RNF207: variants seen among roughly 807,000 people sequenced by gnomAD.
RNF207 encodes the protein OTTHUMG00000001089.
Under a neutral mutation model 79.0 loss-of-function variants are expected in RNF207, and 72 were observed. The observed-to-expected ratio is 0.91, with a 90% confidence interval of 0.75 to 1.11. RNF207 has a LOEUF of 1.11. Ranked by LOEUF, RNF207 falls within the 50% of genes least tolerant of loss-of-function variation. RNF207 has a pLI of 0.00. For synonymous variants in RNF207, 348 were observed against 366.2 expected (o/e 0.95, Z 0.57); for missense variants, 936 against 855.8 (o/e 1.09, Z -1.17).
In RNF207 at chr1:6,212,282, C is replaced by T. The variant is rs200801968; in HGVS notation, c.1348C>T (p.Arg450Ter). ...AAAGGACCAGGTACAGGAGCTGCAC[C>T]GAGACCTCACCAAGCACCACTCGCT... ...SLKDQVQELH[R>*]DLTKHHSLIK... is the part of the protein sequence containing the mutation. Residue 450 changes from arginine to a stop codon, truncating the protein, a stop_gained, in exon 14 of 18, where the codon CGA becomes TGA. Coordinates refer to ENST00000377939, the MANE Select transcript of RNF207 (RefSeq NM_207396.3). LOFTEE classifies it high-confidence loss of function. 154 of 1,613,154 alleles carry T rather than the reference C, an allele frequency of 9.5e-5. No homozygotes were observed. The highest frequency in any genetic ancestry group is 1.1e-4 in the Non-Finnish European group (124 of 1,179,762).
At chr1:6,216,492 G>A (rs1238320538) in intron 16 of RNF207, among the ~76,000 whole-genome samples, 2 of 151,874 alleles carry the variant, frequency 1.3e-5, no homozygotes, top group Non-Finnish European at 1.5e-5. Context: ...CAGTCGCAGC[G>A]AGCCCTCCCG....
rs769111983 is a variant in RNF207 at position 6,209,083 on chromosome 1, G to A, written c.470-32G>A. 3 of 1,546,870 alleles carry A rather than the reference G, an allele frequency of 1.9e-6. No homozygotes were observed. The Admixed American group carries it at 5.9e-5, about 30-fold the overall frequency. Reference sequence around the variant, plus strand: ...GGTGGGGGCGGGGCGGGCACTGACCGGAGCCCTCACCACCGCCCGCCGCCC... The same window carrying A: ...GGTGGGGGCGGGGCGGGCACTGACCAGAGCCCTCACCACCGCCCGCCGCCC... On this transcript the variant is annotated intron_variant, in intron 4 of 17. Transcript: ENST00000377939.
chr1:6,207,808 C>A lies in RNF207; in HGVS notation c.324+297C>A. 1 of 603,332 alleles carries A rather than the reference C, an allele frequency of 1.7e-6. No homozygotes were observed. The highest frequency in any genetic ancestry group is 3.1e-6 in the Non-Finnish European group (1 of 322,078). 37.4% of individuals were successfully genotyped at this position (603,332 alleles called of 1,614,324 possible). On this transcript the variant is annotated intron_variant, in intron 3 of 17. Coordinates refer to ENST00000377939, the MANE Select transcript of RNF207 (RefSeq NM_207396.3). This position sits in a 1 kb window ranked among gnomAD's most constrained non-coding sequence, Gnocchi z 4.5. ...GAGTTGTGGACCTGCACAGGAGGGG[C>A]AGTCCAGTTTGCAGGCCTGGGCCGA... is the stretch of plus-strand genomic sequence containing the variant.
chr1:6,211,879 C>T lies in RNF207; in HGVS notation c.1122C>T (p.Gly374=). 1 of 1,548,534 alleles carries T rather than the reference C, an allele frequency of 6.5e-7. No individual in the cohort carries two copies. The highest frequency in any genetic ancestry group is 8.7e-7 in the Non-Finnish European group (1 of 1,146,636). The part of the protein sequence containing the change: ...AASGANTLAG[G]LGPKALTGPH... ...GCTCTCTCCCCAGGCTGGCAGGGGGCTTAGGCCCCAAGGCGCTGACGGGGC... is the reference window on the plus strand; with the variant it reads ...GCTCTCTCCCCAGGCTGGCAGGGGGTTTAGGCCCCAAGGCGCTGACGGGGC... The change falls in exon 13 of 18, where the codon GGC becomes GGT. Residue 374 remains glycine, a synonymous_variant. Transcript: ENST00000377939. This position sits in a 1 kb window ranked among gnomAD's most constrained non-coding sequence, Gnocchi z 4.2.
At position 6,211,132 on chromosome 1, in the gene RNF207, G is replaced by C; in HGVS notation, c.1109+14G>C. ...TGGTGCTAACACGTGAGCAGCAACCGGGGAGGCCAGGCACAAGGTCCCCAA... is the reference window on the plus strand; with the variant it reads ...TGGTGCTAACACGTGAGCAGCAACCCGGGAGGCCAGGCACAAGGTCCCCAA... On this transcript the variant is annotated intron_variant, in intron 12 of 17. Coordinates refer to ENST00000377939, the MANE Select transcript of RNF207 (RefSeq NM_207396.3). The surrounding 1 kb of genome is among the most constrained non-coding windows in gnomAD (Gnocchi z 4.2). 6.5e-7 allele frequency: 1 copy of C among 1,549,376 alleles called. No individual in the cohort carries two copies. The highest frequency in any genetic ancestry group is 8.7e-7 in the Non-Finnish European group (1 of 1,148,410).
chr1:6,220,749 C>T lies in RNF207; in HGVS notation c.*1342C>T, dbSNP rs1346911285. The T allele has an allele frequency of 6.6e-6, 1 of 152,204 alleles. No homozygotes were observed. Among genetic ancestry groups the T allele is most frequent in the Non-Finnish European group, 1.5e-5 (1 of 68,040 alleles). The allele number at this position is 152,204 out of a possible 1,614,324, so 9.4% of individuals were successfully genotyped here. A position where few individuals can be genotyped will look rare whatever the true frequency, so the allele number is the denominator to read the frequency against. On this transcript the variant is annotated 3_prime_UTR_variant, in exon 18 of 18. Transcript: ENST00000377939. ...TTTTTCCCAGCAGTTTTCCATTTCT[C>T]CACAGTATCCTTTTCATTTAGAGGA... is the stretch of plus-strand genomic sequence containing the variant.
At chr1:6,218,743 G>A (rs1393103046) in intron 17 of RNF207, among the ~76,000 whole-genome samples, 2 of 152,216 alleles carry the variant, frequency 1.3e-5, no homozygotes, top group Non-Finnish European at 2.9e-5. Flanking sequence ...GTACCTGCCA[G>A]AGGAAGACGG....
chr1:6,213,876 C>T (rs1317191781), intron 16 of RNF207, among the ~76,000 whole-genome samples: 3 of 152,174 alleles, frequency 2.0e-5, no homozygotes, highest in Non-Finnish European at 4.4e-5. Context: ...CTTCGCTGTT[C>T]CTGTCTCTGA....
intron 16 of RNF207, among the ~76,000 whole-genome samples, chr1:6,213,642 T>C (rs1668261558): frequency 6.6e-6 from 1 of 152,112 alleles, no homozygotes; most frequent in Non-Finnish European, 1.5e-5. Flanking sequence ...GTTTCTGCTT[T>C]TAGGCTCAGA....
rs749207880 is a variant in RNF207, at chr1:6,210,861, C to T, written c.943-9C>T. On this transcript the variant is annotated splice_polypyrimidine_tract_variant and intron_variant, in intron 10 of 17. Coordinates refer to ENST00000377939, the MANE Select transcript of RNF207 (RefSeq NM_207396.3). ...CTCCACCGGCCTGAGGCCCTCCTCACTGCCACAGGAGCTGATGGAGAGGCT... is the reference window on the plus strand; with the variant it reads ...CTCCACCGGCCTGAGGCCCTCCTCATTGCCACAGGAGCTGATGGAGAGGCT... The T allele has an allele frequency of 4.4e-6, 7 of 1,592,360 alleles. No homozygotes were observed. In the Admixed American group the frequency reaches 1.1e-4, roughly 24 times the overall value.
In RNF207 at chr1:6,208,922, C is replaced by A; in HGVS notation, c.366C>A (p.Pro122=). 1 of 1,534,778 alleles carries A rather than the reference C, an allele frequency of 6.5e-7. No homozygotes were observed. Among genetic ancestry groups the A allele is most frequent in the Non-Finnish European group, 8.7e-7 (1 of 1,145,622 alleles). ...ACTTCTGCAACACGTGCGGACAGCCCCTATGCGCGCGCTGCCGCGACGAGA... is the reference window on the plus strand; with the variant it reads ...ACTTCTGCAACACGTGCGGACAGCCACTATGCGCGCGCTGCCGCGACGAGA... ...TTYFCNTCGQ[P]LCARCRDETH... The change falls in exon 4 of 18, where the codon CCC becomes CCA. Residue 122 remains proline, a synonymous_variant. Coordinates refer to ENST00000377939, the MANE Select transcript of RNF207 (RefSeq NM_207396.3).
rs1668512832 is a variant in RNF207 at position 6,220,451 on chromosome 1, A to G, written c.*1044A>G. On this transcript the variant is annotated 3_prime_UTR_variant, in exon 18 of 18. Transcript: ENST00000377939. ...TTGCAAAGGAATCCAGTTCCTCCGG[A>G]ATAACAGTCCCACTGTTAACCTGGT... 6.6e-6 allele frequency: 1 copy of G among 152,210 alleles called. No homozygotes were observed. Among genetic ancestry groups the G allele is most frequent in the Non-Finnish European group, 1.5e-5 (1 of 68,044 alleles). 9.4% of individuals were successfully genotyped at this position (152,210 alleles called of 1,614,324 possible).
intron 3 of RNF207, chr1:6,208,020 G>A: frequency 6.4e-6 from 2 of 313,336 alleles, no homozygotes; most frequent in South Asian, 5.7e-5. Flanking sequence ...TTCTGGACAA[G>A]TGCTGAGCAA....
chr1:6,210,033 G>C (rs1406807617), intron 8 of RNF207, 63 bp downstream of exon 8: 1 of 1,495,658 alleles, frequency 6.7e-7, no homozygotes, highest in Non-Finnish European at 9.1e-7. Context: ...TCAGCTCAGA[G>C]CCTGGGCAGG....
intron 17 of RNF207, among the ~76,000 whole-genome samples, chr1:6,218,579 G>C (rs2100948818): frequency 6.6e-6 from 1 of 152,292 alleles, no homozygotes; most frequent in Non-Finnish European, 1.5e-5. Flanking sequence ...TCCTTTGATA[G>C]ACAGAACCCC....
At chr1:6,206,444 A>C in intron 1 of RNF207, 92 bp from the exon 2 acceptor site, 1 of 908,180 alleles carries the variant, frequency 1.1e-6, no homozygotes, top group Non-Finnish European at 1.6e-6. Flanking sequence ...CAGGCGCGAT[A>C]GGGAGGGCGC....
Position 6,209,252 on chromosome 1 carries a change from C to T in RNF207, c.552-16C>T. 6.5e-7 allele frequency: 1 copy of T among 1,549,496 alleles called. No individual in the cohort carries two copies. The highest frequency in any genetic ancestry group is 8.7e-7 in the Non-Finnish European group (1 of 1,146,678). The stretch of plus-strand genomic sequence containing the variant: ...TGGGGGCCGCTGGAGCGGGCCTCAC[C>T]CGCCGCCTTCTGCAGGGAGAGCCGG... On this transcript the variant is annotated splice_polypyrimidine_tract_variant and intron_variant, in intron 5 of 17. Coordinates refer to ENST00000377939, the MANE Select transcript of RNF207 (RefSeq NM_207396.3).
chr1:6,210,727 G>C (rs114129916), intron 10 of RNF207, 143 bp from the exon 11 acceptor site: 4 of 772,648 alleles, frequency 5.2e-6, no homozygotes, highest in Non-Finnish European at 2.2e-6. Flanking sequence ...GGGTTTGTCC[G>C]GGTGAGTCCC....
At chr1:6,213,677 T>G (rs1024737892) in intron 16 of RNF207, among the ~76,000 whole-genome samples, 4 of 151,838 alleles carry the variant, frequency 2.6e-5, no homozygotes, top group Admixed American at 2.6e-4. Context: ...CCCTCAGGAG[T>G]AGGTCAAAGC....
Sources: allele counts gnomAD v4.1 joint callset (sites outside exome capture counted in the v4.1 genomes callset), GRCh38; gene constraint gnomAD v4.1.1; non-coding constraint Gnocchi (gnomAD v3.1); transcripts MANE v1.5; gene names NCBI Gene and HGNC (gene_info 2026-07-23, HGNC 2026-07-21).